LRP1B: variants seen among roughly 807,000 people sequenced by gnomAD.
LRP1B encodes LDL receptor related protein 1B, also known as low-density lipoprotein receptor-related protein 1B.
In LRP1B, 217 loss-of-function variants were observed where a neutral mutation model predicts 556.6. The observed-to-expected ratio is 0.39, with a 90% CI of 0.35 to 0.44. The LOEUF is 0.44. Ranked by LOEUF, LRP1B falls within the 20% of genes least tolerant of loss-of-function variation. The pLI is 1.00. For synonymous variants in LRP1B, 2,047 were observed against 1,865.8 expected (o/e 1.10, Z -2.50); for missense variants, 5,053 against 5,620.8 (o/e 0.90, Z 3.23).
intron 2 of LRP1B, among the ~76,000 whole-genome samples, chr2:141,707,224 A>G (rs1271732740): frequency 6.6e-6 from 1 of 152,108 alleles, no homozygotes; most frequent in Non-Finnish European, 1.5e-5. Flanking sequence ...CGCCATTACC[A>G]GATTCACCCA....
At chr2:142,100,079 C>T (rs887215009) in intron 1 of LRP1B, among the ~76,000 whole-genome samples, 1 of 151,838 alleles carries the variant, frequency 6.6e-6, no homozygotes, top group African/African-American at 2.4e-5. Context: ...GTGGGGTTTT[C>T]TACATTTATA....
intron 18 of LRP1B, among the ~76,000 whole-genome samples, chr2:140,954,397 A>G (rs535029025): frequency 9.8e-4 from 149 of 152,186 alleles, no homozygotes; most frequent in African/African-American, 3.5e-3. Flanking sequence ...ATAACATTAC[A>G]TCTTTTTTGA....
intron 41 of LRP1B, chr2:140,683,778 G>C: frequency 2.1e-6 from 2 of 970,270 alleles, no homozygotes; most frequent in South Asian, 1.3e-5. Context: ...GACAGGAGTG[G>C]TCAGCTGTAG....
intron 3 of LRP1B, among the ~76,000 whole-genome samples, chr2:141,280,715 A>C (rs1685479454): frequency 6.6e-6 from 1 of 151,978 alleles, no homozygotes; most frequent in Admixed American, 6.6e-5. Context: ...AAATTTTCTA[A>C]ATTTTGATAA....
At chr2:140,585,716 T>C (rs759025189) in intron 43 of LRP1B, among the ~76,000 whole-genome samples, 4 of 152,210 alleles carry the variant, frequency 2.6e-5, no homozygotes, top group Non-Finnish European at 5.9e-5. Context: ...TAGACACCTA[T>C]ATTTGGCAAT....
At chr2:140,283,124 A>C (rs1682984212) in intron 84 of LRP1B, among the ~76,000 whole-genome samples, 1 of 151,836 alleles carries the variant, frequency 6.6e-6, no homozygotes, top group African/African-American at 2.4e-5. Context: ...AGCATGGCTT[A>C]GGAGTCAAAA....
intron 87 of LRP1B, 86 bp from the exon 88 acceptor site, chr2:140,239,618 A>T: frequency 2.6e-6 from 2 of 770,350 alleles, no homozygotes; most frequent in Non-Finnish European, 4.1e-6. Context: ...ATACCAAATC[A>T]CTTGACCATT....
intron 11 of LRP1B, among the ~76,000 whole-genome samples, chr2:141,022,316 G>T (rs1289638532): frequency 6.6e-6 from 1 of 151,420 alleles, no homozygotes; most frequent in Admixed American, 6.6e-5. Flanking sequence ...TAGGGAGAAT[G>T]ATAATGAATA....
intron 7 of LRP1B, among the ~76,000 whole-genome samples, chr2:141,147,172 C>A (rs1701806481): frequency 1.3e-5 from 2 of 152,284 alleles, no homozygotes; most frequent in South Asian, 4.1e-4. Context: ...TCTCACTGGG[C>A]TCTGGTAGAG....
At chr2:141,585,443 G>GTT (rs2105286004) in intron 2 of LRP1B, among the ~76,000 whole-genome samples, 3 of 150,280 alleles carry the variant, frequency 2.0e-5, no homozygotes, top group African/African-American at 7.3e-5. Flanking sequence ...GTGTGTGTGT[G>GTT]TGTGTGTGTG....
chr2:141,378,943 G>A (rs1201935207), intron 3 of LRP1B, among the ~76,000 whole-genome samples: 4 of 152,020 alleles, frequency 2.6e-5, no homozygotes, highest in Non-Finnish European at 5.9e-5. Flanking sequence ...GACGAACAGG[G>A]AAGTGAGAAT....
In LRP1B at chr2:141,706,279, T is replaced by C. The variant is rs1017479120; in HGVS notation, c.205+104000A>G. Among the ~76,000 whole-genome samples the C allele has an allele frequency of 3.9e-5, 6 of 152,174 alleles. No individual in the cohort carries two copies. The South Asian group carries it at 1.2e-3, about 32-fold the overall frequency. ...ACCTTGCTCATGCTGTGCCTTTTGA[T>C]TGGATTGTCTTCTCCGCCATGTAAA... On this transcript the variant is annotated intron_variant, in intron 2 of 90. Coordinates refer to ENST00000389484, the MANE Select transcript of LRP1B (RefSeq NM_018557.3).
chr2:141,496,424 C>G (rs1683510445), intron 2 of LRP1B, among the ~76,000 whole-genome samples: 1 of 152,064 alleles, frequency 6.6e-6, no homozygotes, highest in East Asian at 1.9e-4. Context: ...ACACAGACTA[C>G]TCTTTAATTA....
At chr2:141,309,680 A>C (rs1313417259) in intron 3 of LRP1B, among the ~76,000 whole-genome samples, 2 of 152,122 alleles carry the variant, frequency 1.3e-5, no homozygotes, top group Non-Finnish European at 2.9e-5. Context: ...ACATGGACAC[A>C]GAGAGGGGAG....
In LRP1B at chr2:140,947,725, C is replaced by T. The variant is rs192247129; in HGVS notation, c.3136+2510G>A. Among the ~76,000 whole-genome samples the T allele has an allele frequency of 3.3e-5, 5 of 152,318 alleles. No individual in the cohort carries two copies. The East Asian group carries it at 9.7e-4, about 29-fold the overall frequency. ...TACCAAAGTCATCCTGGAATGTTAA[C>T]TTTTCACAATTCCTCCACCTTGTAT... On this transcript the variant is annotated intron_variant, in intron 20 of 90. Transcript: ENST00000389484.
intron 35 of LRP1B, among the ~76,000 whole-genome samples, chr2:140,753,938 A>C (rs414023): frequency 9.9e-5 from 15 of 151,858 alleles, no homozygotes; most frequent in Non-Finnish European, 2.9e-5. Context: ...CCCAATCCAG[A>C]GAAGGCCAAG....
chr2:141,091,801 G>A (rs1922690), intron 7 of LRP1B, among the ~76,000 whole-genome samples: 45,935 of 152,028 alleles, frequency 0.3, 7,319 homozygotes, highest in East Asian at 0.65. Context: ...ACAATGAGAA[G>A]CAAAAGTACA....
At chr2:141,938,331 G>A (rs2105009201) in intron 1 of LRP1B, among the ~76,000 whole-genome samples, 1 of 152,152 alleles carries the variant, frequency 6.6e-6, no homozygotes, top group East Asian at 1.9e-4. Context: ...AAATAAAAAT[G>A]GCCAACAGTT....
intron 15 of LRP1B, among the ~76,000 whole-genome samples, chr2:140,999,046 G>T (rs1403527473): frequency 6.6e-6 from 1 of 152,028 alleles, no homozygotes; most frequent in Non-Finnish European, 1.5e-5. Context: ...GTAGTTGTCT[G>T]CAGTTTATTT....
Sources: gnomAD v4.1 joint callset for allele counts (sites outside exome capture counted in the v4.1 genomes callset) on GRCh38, gnomAD v4.1.1 for gene constraint, MANE v1.5 for transcripts, NCBI Gene and HGNC (gene_info 2026-07-23, HGNC 2026-07-21) for gene names.